AXL: variants seen among roughly 807,000 people sequenced by gnomAD.
AXL encodes tyrosine-protein kinase receptor UFO.
In AXL, 52 loss-of-function variants were observed where a neutral mutation model predicts 104.5. That is an observed-to-expected ratio of 0.50 (90% CI 0.40 to 0.63). The LOEUF (loss-of-function observed/expected upper bound fraction) is 0.63, where lower values mean the gene tolerates loss of function less well. AXL is among the 20% of genes least tolerant of loss of function. AXL has a pLI of 0.00. For synonymous variants in AXL, 455 were observed against 473.7 expected (o/e 0.96, Z 0.51); for missense variants, 1,024 against 1,188.5 (o/e 0.86, Z 2.04).
intron 12 of AXL, among the ~76,000 whole-genome samples, chr19:41,247,781 C>T (rs745475207): frequency 2.0e-5 from 3 of 151,984 alleles, no homozygotes; most frequent in African/African-American, 4.8e-5. Context: ...GACGGGGATT[C>T]GCCATGTTGC....
chr19:41,253,673 A>G lies in AXL; in HGVS notation c.2001A>G (p.Arg667=), dbSNP rs372570874. The change falls in exon 17 of 20, where the codon AGA becomes AGG. Residue 667 remains arginine (R), a synonymous_variant. Transcript: ENST00000301178. Reference sequence around the variant, plus strand: ...GCATGGAGTATCTGAGTACCAAGAGATTCATACACCGGGACCTGGCGGCCA... The same window carrying G: ...GCATGGAGTATCTGAGTACCAAGAGGTTCATACACCGGGACCTGGCGGCCA... The part of the protein sequence containing the change: ...ASGMEYLSTK[R]FIHRDLAARN... 36 of 1,612,422 alleles carry G rather than the reference A, an allele frequency of 2.2e-5. No homozygotes were observed. Among genetic ancestry groups the G allele is most frequent in the Non-Finnish European group, 2.9e-5 (34 of 1,179,552 alleles).
chr19:41,255,535 G>T (rs2034439540), intron 17 of AXL, among the ~76,000 whole-genome samples: 1 of 151,816 alleles, frequency 6.6e-6, no homozygotes, highest in South Asian at 2.1e-4. Context: ...CCAACTCCTG[G>T]CTCAAGCTAT....
intron 12 of AXL, among the ~76,000 whole-genome samples, chr19:41,244,599 C>T (rs1320738318): frequency 6.6e-6 from 1 of 152,114 alleles, no homozygotes. Context: ...TATGCCTCGG[C>T]CTCCCGAATA....
intron 18 of AXL, among the ~76,000 whole-genome samples, chr19:41,257,048 A>T (rs552911325): frequency 8.0e-4 from 121 of 151,772 alleles, no homozygotes; most frequent in Middle Eastern, 3.4e-3. Context: ...ATATATATAT[A>T]TTTTTCTTTT....
chr19:41,253,736 C>CG, intron 17 of AXL, 28 bp downstream of exon 17: 1 of 1,262,710 alleles, frequency 7.9e-7, no homozygotes, highest in Non-Finnish European at 1.1e-6. Flanking sequence ...ACCCCCCCCC[C>CG]CCAACTGCTC....
At position 41,252,013 on chromosome 19, in the gene AXL, T is replaced by C. The variant is rs972041894; in HGVS notation, c.1712-338T>C. Among the ~76,000 whole-genome samples, 4 of 150,076 alleles carry C rather than the reference T, an allele frequency of 2.7e-5. No individual in the cohort carries two copies. In the Admixed American group the frequency reaches 2.7e-4, roughly 10 times the overall value. Reference sequence around the variant, plus strand: ...CTGTAGTCCCAGCTACTCAGGAGGCTGAGGCAGGAGAATTGCTTGAACCCG... The same window carrying C: ...CTGTAGTCCCAGCTACTCAGGAGGCCGAGGCAGGAGAATTGCTTGAACCCG... On this transcript the variant is annotated intron_variant, in intron 14 of 19. Coordinates refer to ENST00000301178, the MANE Select transcript of AXL (RefSeq NM_021913.5).
In AXL at chr19:41,242,874, C is replaced by T; in HGVS notation, c.1313-9C>T. 1 of 1,614,110 alleles carries T rather than the reference C, an allele frequency of 6.2e-7. No homozygotes were observed. Among genetic ancestry groups the T allele is most frequent in the Non-Finnish European group, 8.5e-7 (1 of 1,180,000 alleles). On this transcript the variant is annotated splice_polypyrimidine_tract_variant and intron_variant, in intron 10 of 19. Transcript: ENST00000301178. ...TCATCCATGACCTGTTCCTCATACCCCCTGATAGTGAAGGAACCTTCAACT... is the reference window on the plus strand; with the variant it reads ...TCATCCATGACCTGTTCCTCATACCTCCTGATAGTGAAGGAACCTTCAACT...
intron 16 of AXL, 47 bp from the exon 17 acceptor site, chr19:41,253,552 A>G: frequency 7.3e-7 from 1 of 1,361,064 alleles, no homozygotes; most frequent in Middle Eastern, 1.8e-4. Context: ...GAGGGATCGC[A>G]TCAAGGACTC....
chr19:41,250,962 G>A (rs2034352541), intron 14 of AXL, among the ~76,000 whole-genome samples: 1 of 152,092 alleles, frequency 6.6e-6, no homozygotes, highest in African/African-American at 2.4e-5. Context: ...TGTTAAATGG[G>A]ATGATACTTG....
At chr19:41,241,320 A>G (rs954185811) in intron 10 of AXL, among the ~76,000 whole-genome samples, 1 of 152,140 alleles carries the variant, frequency 6.6e-6, no homozygotes, top group Non-Finnish European at 1.5e-5. Flanking sequence ...AGACAGGTGG[A>G]TCACCTGAGG....
In AXL at chr19:41,230,535, T is replaced by C. The variant is rs534907674; in HGVS notation, c.587-432T>C. Among the ~76,000 whole-genome samples, 19 of 149,622 alleles carry C rather than the reference T, an allele frequency of 1.3e-4. No homozygotes were observed. The East Asian group carries it at 3.6e-3, about 28-fold the overall frequency. ...GGCTGTGTGTCTTTGTGTGTGTCTGTGTCTGTGTGTCTGTGTGTATGAGTG... is the reference window on the plus strand; with the variant it reads ...GGCTGTGTGTCTTTGTGTGTGTCTGCGTCTGTGTGTCTGTGTGTATGAGTG... On this transcript the variant is annotated intron_variant, in intron 4 of 19. Coordinates refer to ENST00000301178, the MANE Select transcript of AXL (RefSeq NM_021913.5).
intron 15 of AXL, 100 bp from the exon 16 acceptor site, chr19:41,252,746 T>G: frequency 6.4e-7 from 1 of 1,567,340 alleles, no homozygotes; most frequent in Non-Finnish European, 8.6e-7. Context: ...GGTGGCCAGA[T>G]TGGATGGGTA....
chr19:41,222,979 C>T (rs1188301835), intron 4 of AXL, among the ~76,000 whole-genome samples: 1 of 147,682 alleles, frequency 6.8e-6, no homozygotes, highest in Non-Finnish European at 1.5e-5. Flanking sequence ...GGACAGGCCA[C>T]AGTGACCCAA....
intron 17 of AXL, 33 bp from the exon 18 acceptor site, chr19:41,256,419 C>T (rs1568419103): frequency 5.0e-6 from 8 of 1,598,408 alleles, no homozygotes; most frequent in Non-Finnish European, 6.9e-6. Context: ...GTGACTGATG[C>T]CCTGACCCTG....
At chr19:41,257,712 T>A in intron 19 of AXL, 83 bp downstream of exon 19, 1 of 1,549,194 alleles carries the variant, frequency 6.5e-7, no homozygotes, top group South Asian at 1.1e-5. Context: ...GGTCCAGGAC[T>A]CTCTATAACC....
chr19:41,248,458 G>A (rs2034306216), intron 12 of AXL, 56 bp from the exon 13 acceptor site: 3 of 1,533,224 alleles, frequency 2.0e-6, no homozygotes, highest in South Asian at 1.1e-5. Context: ...GTGGGTGAAT[G>A]TCACCTGAAT....
intron 6 of AXL, among the ~76,000 whole-genome samples, chr19:41,237,047 T>G (rs913676875): frequency 6.6e-6 from 1 of 152,138 alleles, no homozygotes; most frequent in Non-Finnish European, 1.5e-5. Flanking sequence ...GTCAAAAGAT[T>G]GGACACCTTT....
intron 4 of AXL, chr19:41,226,864 C>A: frequency 1.1e-6 from 1 of 914,414 alleles, no homozygotes; most frequent in Non-Finnish European, 1.3e-6. Context: ...GAGGCCGAGG[C>A]GGGAGGATCG....
intron 10 of AXL, among the ~76,000 whole-genome samples, chr19:41,241,732 A>G (rs1599735550): frequency 6.6e-6 from 1 of 151,892 alleles, no homozygotes; most frequent in African/African-American, 2.4e-5. Flanking sequence ...AATCCCAGCT[A>G]CTTAGAAGCT....
Sources: allele counts gnomAD v4.1 joint callset (sites outside exome capture counted in the v4.1 genomes callset), GRCh38; gene constraint gnomAD v4.1.1; transcripts MANE v1.5; gene names NCBI Gene and HGNC (gene_info 2026-07-23, HGNC 2026-07-21).